CNTNAP4: variants seen among roughly 807,000 people sequenced by gnomAD.
CNTNAP4 encodes contactin-associated protein-like 4.
Under a neutral mutation model 148.4 loss-of-function variants are expected in CNTNAP4, and 98 were observed. The ratio of observed to expected loss-of-function variants is 0.66; its 90% CI spans 0.56 to 0.78. CNTNAP4 has a LOEUF of 0.78. CNTNAP4 is among the 30% of genes least tolerant of loss of function. The probability of loss-of-function intolerance (pLI) is 0.00; values close to 1 mark genes in which losing one functional copy is unlikely to be tolerated. For missense variants in CNTNAP4, 1,935 were observed against 1,565.6 expected, an observed-to-expected ratio of 1.24 and a Z score of -3.98; for synonymous variants, 730 against 565.1, an observed-to-expected ratio of 1.29 and a Z score of -4.14.
intron 18 of CNTNAP4, among the ~76,000 whole-genome samples, chr16:76,537,594 T>A (rs550168976): frequency 6.6e-6 from 1 of 152,260 alleles, no homozygotes; most frequent in South Asian, 2.1e-4. Context: ...ATGTTAATAC[T>A]AGACTTAGCT....
rs769509634 is a variant in CNTNAP4 at position 76,489,813 on chromosome 16, TA to T, written c.2012del (p.Asn671ThrfsTer28). Reference protein sequence around the residue: ...ASMEQLQATINRAEHCEQEFT... With the variant: ...ASMEQLQATIXRAEHCEQEFT... ...GCATGGAGCAACTTCAGGCCACTATTAACCGTGCAGAGCACTGTGAACAGGA... is the reference window on the plus strand; with the variant it reads ...GCATGGAGCAACTTCAGGCCACTATTACCGTGCAGAGCACTGTGAACAGGA... On this transcript the variant is annotated frameshift_variant, in exon 13 of 24. Transcript: ENST00000611870. LOFTEE classifies it high-confidence loss of function. 1 of 1,607,490 alleles carries T rather than the reference TA, an allele frequency of 6.2e-7. No homozygotes were observed. The highest frequency in any genetic ancestry group is 1.1e-5 in the South Asian group (1 of 89,568).
chr16:76,340,769 G>T (rs932545734), intron 2 of CNTNAP4, among the ~76,000 whole-genome samples: 2 of 152,138 alleles, frequency 1.3e-5, no homozygotes, highest in Non-Finnish European at 2.9e-5. Flanking sequence ...TCAAGCGTGA[G>T]AACTCCTAAC....
chr16:76,355,648 A>G (rs1026953344), intron 3 of CNTNAP4, 137 bp downstream of exon 3: 19 of 544,686 alleles, frequency 3.5e-5, no homozygotes, highest in Admixed American at 7.8e-5. Flanking sequence ...AAGAGAAAAT[A>G]TGGTAAATAA....
chr16:76,428,671 C>A (rs987252607), intron 4 of CNTNAP4, among the ~76,000 whole-genome samples: 7 of 151,992 alleles, frequency 4.6e-5, no homozygotes, highest in African/African-American at 1.7e-4. Flanking sequence ...TCTCTACCAT[C>A]AAACATATTT....
chr16:76,321,911 A>G (rs1962461003), intron 2 of CNTNAP4, among the ~76,000 whole-genome samples: 1 of 152,074 alleles, frequency 6.6e-6, no homozygotes, highest in African/African-American at 2.4e-5. Context: ...CAGGATTGAA[A>G]AATCTCAAGC....
chr16:76,349,003 T>C (rs532766496), intron 2 of CNTNAP4, among the ~76,000 whole-genome samples: 2 of 152,208 alleles, frequency 1.3e-5, no homozygotes, highest in Non-Finnish European at 2.9e-5. Flanking sequence ...GGAGAATTGC[T>C]AAAGCGGTGA....
chr16:76,340,880 A>T (rs1392390806), intron 2 of CNTNAP4, among the ~76,000 whole-genome samples: 2 of 152,196 alleles, frequency 1.3e-5, no homozygotes, highest in Non-Finnish European at 2.9e-5. Context: ...ACTCCTTAGA[A>T]TCCTCCAGTG....
chr16:76,321,801 A>C (rs11865494), intron 2 of CNTNAP4, among the ~76,000 whole-genome samples: 12,347 of 149,458 alleles, frequency 0.083, 1,722 homozygotes, highest in African/African-American at 0.28. Flanking sequence ...AAAAAAAAAA[A>C]AAAAAACTTT....
At chr16:76,385,470 C>T (rs1007107143) in intron 3 of CNTNAP4, among the ~76,000 whole-genome samples, 2 of 151,774 alleles carry the variant, frequency 1.3e-5, no homozygotes, top group African/African-American at 4.8e-5. Context: ...TTTCTTCATG[C>T]AAAAATTATT....
intron 3 of CNTNAP4, among the ~76,000 whole-genome samples, chr16:76,362,167 A>T (rs1307738498): frequency 6.6e-6 from 1 of 152,200 alleles, no homozygotes; most frequent in East Asian, 1.9e-4. Context: ...TATCAAAAAG[A>T]ATAACATACT....
intron 21 of CNTNAP4, among the ~76,000 whole-genome samples, chr16:76,552,875 G>A (rs978150635): frequency 1.3e-5 from 2 of 152,146 alleles, no homozygotes; most frequent in African/African-American, 4.8e-5. Context: ...TACTTTCAGG[G>A]CATAAGTCTT....
At chr16:76,397,710 G>A (rs563800479) in intron 3 of CNTNAP4, among the ~76,000 whole-genome samples, 45 of 151,542 alleles carry the variant, frequency 3.0e-4, no homozygotes, top group African/African-American at 1.1e-3. Flanking sequence ...AAGTACTAGT[G>A]CTACAGTCAA....
In CNTNAP4 at chr16:76,498,607, C is replaced by G; in HGVS notation, c.2278C>G (p.Pro760Ala). The G allele has an allele frequency of 1.2e-6, 2 of 1,612,418 alleles. No homozygotes were observed. The highest frequency in any genetic ancestry group is 1.7e-6 in the Non-Finnish European group (2 of 1,179,098). Reference sequence around the variant, plus strand: ...ATTGCTTGCTTATAAAGAACATCTTCCAGTAACTAAGATCGTGATTACAGA... The same window carrying G: ...ATTGCTTGCTTATAAAGAACATCTTGCAGTAACTAAGATCGTGATTACAGA... ...TGLLAYKEHLPVTKIVITDTG... is the reference protein window; with the variant it reads ...TGLLAYKEHLAVTKIVITDTG... Residue 760 changes from proline (P) to alanine (A), a missense_variant, in exon 15 of 24, where the codon CCA becomes GCA. Coordinates refer to ENST00000611870, the MANE Select transcript of CNTNAP4 (RefSeq NM_033401.5).
chr16:76,307,492 T>G (rs962797305), intron 1 of CNTNAP4, among the ~76,000 whole-genome samples: 1 of 125,010 alleles, frequency 8.0e-6, no homozygotes, highest in Non-Finnish European at 1.6e-5. Flanking sequence ...CCTAGATATC[T>G]ATTTTAAATG....
intron 2 of CNTNAP4, among the ~76,000 whole-genome samples, chr16:76,317,647 T>C (rs1467774953): frequency 2.0e-5 from 3 of 152,218 alleles, no homozygotes; most frequent in Non-Finnish European, 4.4e-5. Flanking sequence ...TCTTTGATGT[T>C]ATCCTTAATA....
At chr16:76,302,052 G>A (rs960640045) in intron 1 of CNTNAP4, among the ~76,000 whole-genome samples, 3 of 152,044 alleles carry the variant, frequency 2.0e-5, no homozygotes, top group Non-Finnish European at 2.9e-5. Flanking sequence ...GCTGGCCCAA[G>A]TTTCTGAGAA....
intron 3 of CNTNAP4, among the ~76,000 whole-genome samples, chr16:76,416,836 C>G (rs1029414544): frequency 1.9e-4 from 28 of 151,328 alleles, no homozygotes; most frequent in African/African-American, 6.5e-4. Flanking sequence ...TAATGGACTT[C>G]TCTGTTTTTA....
intron 3 of CNTNAP4, among the ~76,000 whole-genome samples, chr16:76,364,220 C>T (rs576462165): frequency 7.1e-5 from 7 of 98,772 alleles, no homozygotes; most frequent in South Asian, 7.3e-4. Context: ...GGCAACAGAG[C>T]GAGATTCCAT....
At chr16:76,445,905 G>A (rs1313433859) in intron 4 of CNTNAP4, among the ~76,000 whole-genome samples, 1 of 152,110 alleles carries the variant, frequency 6.6e-6, no homozygotes, top group African/African-American at 2.4e-5. Context: ...TTAATTTATT[G>A]TAATCTAATA....
Sources: allele counts gnomAD v4.1 joint callset (sites outside exome capture counted in the v4.1 genomes callset), GRCh38; gene constraint gnomAD v4.1.1; transcripts MANE v1.5; gene names NCBI Gene and HGNC (gene_info 2026-07-23, HGNC 2026-07-21).